Variants in KANSL1 observed in about 807,000 individuals in gnomAD.
The protein encoded by KANSL1 is KAT8 regulatory NSL complex subunit 1.
KANSL1 carries 22 observed loss-of-function variants against 103.6 expected under a neutral mutation model. That is an observed-to-expected ratio of 0.21 (90% confidence interval 0.15 to 0.30). The LOEUF is 0.30. KANSL1 is among the 10% of genes least tolerant of loss of function. The pLI is 1.00. For synonymous variants in KANSL1, 600 were observed against 527.6 expected, an observed-to-expected ratio of 1.14 and a Z score of -1.88; for missense variants, 1,337 against 1,399.8, an observed-to-expected ratio of 0.96 and a Z score of 0.72.
intron 2 of KANSL1, among the ~76,000 whole-genome samples, chr17:46,132,877 A>T (rs2043935507): frequency 7.7e-6 from 1 of 130,112 alleles, no homozygotes; most frequent in Non-Finnish European, 1.9e-5. Context: ...TGGGAGGTCG[A>T]GGCTGCAGTG....
In KANSL1 at chr17:46,171,388, T is replaced by C. The variant is rs749296043; in HGVS notation, c.756A>G (p.Thr252=). Residue 252 remains threonine (T), a synonymous_variant, in exon 2 of 15, where the codon ACA becomes ACG. Coordinates refer to ENST00000432791, the MANE Select transcript of KANSL1 (RefSeq NM_015443.4). ...CACCCCCCAAGTTAGAGCTGGAGTC[T>C]GTACCAGGTGATAATCTACTGCTTC... ...LQGSSRLSPG[T]DSSSNLGGVK... The C allele has an allele frequency of 1.9e-6, 3 of 1,614,058 alleles. No homozygotes were observed. The highest frequency in any genetic ancestry group is 4.5e-5 in the East Asian group (2 of 44,892).
intron 2 of KANSL1, 109 bp downstream of exon 2, chr17:46,170,746 C>T (rs1406843839): frequency 3.2e-6 from 4 of 1,250,022 alleles, no homozygotes; most frequent in African/African-American, 3.2e-5. Flanking sequence ...ACAAACAGAA[C>T]CTAGACACCT....
upstream of KANSL1, among the ~76,000 whole-genome samples, chr17:46,198,830 A>T (rs2047701863): frequency 6.6e-6 from 1 of 152,274 alleles, no homozygotes; most frequent in Non-Finnish European, 1.5e-5. Flanking sequence ...CTAAAAACAT[A>T]TTCTGAGAAT....
chr17:46,067,549 G>A lies in KANSL1; in HGVS notation c.1652C>T (p.Thr551Ile), dbSNP rs778178483. ...ALRPVNGVIN[T>I]LQPVLADHIP... Reference sequence around the variant, plus strand: ...AGGAAGTAGAAGAGCTAAAACTTACGTGTTAATAACTCCATTGACAGGTCT... The same window carrying A: ...AGGAAGTAGAAGAGCTAAAACTTACATGTTAATAACTCCATTGACAGGTCT... Residue 551 changes from threonine (T) to isoleucine (I), a missense_variant and splice_region_variant, in exon 5 of 15, where the codon ACT becomes ATT. Coordinates refer to ENST00000432791, the MANE Select transcript of KANSL1 (RefSeq NM_015443.4). 7.6e-5 allele frequency: 117 copies of A among 1,547,666 alleles called. No individual in the cohort carries two copies. The Admixed American group carries it at 1.2e-3, about 16-fold the overall frequency.
At chr17:46,110,163 A>T (rs1270369547) in intron 2 of KANSL1, among the ~76,000 whole-genome samples, 1 of 152,250 alleles carries the variant, frequency 6.6e-6, no homozygotes, top group Non-Finnish European at 1.5e-5. Context: ...AAAATCTTTT[A>T]TGTGTTTGAA....
At chr17:46,184,355 A>T (rs2046922846) in intron 1 of KANSL1, among the ~76,000 whole-genome samples, 1 of 152,206 alleles carries the variant, frequency 6.6e-6, no homozygotes, top group African/African-American at 2.4e-5. Context: ...GTACTATAGT[A>T]ATTCAGGCAG....
At chr17:46,180,957 C>CT in intron 1 of KANSL1, among the ~76,000 whole-genome samples, 1 of 152,138 alleles carries the variant, frequency 6.6e-6, no homozygotes, top group South Asian at 2.1e-4. Context: ...TCAGACTGTG[C>CT]TTTAGAGAGA....
intron 2 of KANSL1, among the ~76,000 whole-genome samples, chr17:46,169,925 G>A (rs984578834): frequency 3.9e-5 from 6 of 152,188 alleles, no homozygotes; most frequent in African/African-American, 1.4e-4. Context: ...GAGGTCAGGA[G>A]TTTGAGGCCA....
chr17:46,183,577 G>C (rs1442810904), intron 1 of KANSL1, among the ~76,000 whole-genome samples: 2 of 150,858 alleles, frequency 1.3e-5, no homozygotes, highest in African/African-American at 4.9e-5. Context: ...AGAGAGGAGA[G>C]AGGAGAGAGG....
At chr17:46,128,214 T>C (rs1324148812) in intron 2 of KANSL1, among the ~76,000 whole-genome samples, 1 of 152,202 alleles carries the variant, frequency 6.6e-6, no homozygotes, top group East Asian at 1.9e-4. Flanking sequence ...AAGCCTCTGC[T>C]TTCTCTGTGG....
intron 4 of KANSL1, among the ~76,000 whole-genome samples, chr17:46,077,648 C>A (rs1025091969): frequency 5.3e-5 from 8 of 152,132 alleles, no homozygotes; most frequent in African/African-American, 1.9e-4. Flanking sequence ...ACCTCTGTCT[C>A]CTGAGTTCAA....
intron 1 of KANSL1, among the ~76,000 whole-genome samples, chr17:46,201,469 C>A (rs1040074140): frequency 5.3e-5 from 8 of 152,210 alleles, no homozygotes; most frequent in African/African-American, 1.7e-4. Context: ...TTTTTGAGTG[C>A]CAACATGACA....
chr17:46,100,370 A>G (rs138708049), intron 2 of KANSL1, among the ~76,000 whole-genome samples: 1 of 150,348 alleles, frequency 6.7e-6, no homozygotes, highest in African/African-American at 2.4e-5. Context: ...CCAGGAGGTG[A>G]CGGAGGCTGC....
At chr17:46,177,797 A>T (rs2046594755) in intron 1 of KANSL1, among the ~76,000 whole-genome samples, 1 of 151,402 alleles carries the variant, frequency 6.6e-6, no homozygotes, top group Non-Finnish European at 1.5e-5. Flanking sequence ...TTTTTTTAAG[A>T]GATGGAGTCT....
chr17:46,135,267 T>A (rs201791431), intron 2 of KANSL1, among the ~76,000 whole-genome samples: 2 of 147,914 alleles, frequency 1.4e-5, no homozygotes, highest in African/African-American at 2.5e-5. Flanking sequence ...GTGGTCTAGA[T>A]AAAAAAAAAA....
intron 2 of KANSL1, among the ~76,000 whole-genome samples, chr17:46,118,680 C>G (rs1410357907): frequency 1.3e-5 from 2 of 152,196 alleles, no homozygotes; most frequent in Non-Finnish European, 2.9e-5. Flanking sequence ...AGAGGCCTAG[C>G]ATCCTTTGAA....
intron 1 of KANSL1, among the ~76,000 whole-genome samples, chr17:46,208,340 A>C (rs1238464776): frequency 6.6e-6 from 1 of 152,168 alleles, no homozygotes; most frequent in Non-Finnish European, 1.5e-5. Context: ...GGCTGGGCAC[A>C]GTGGCACATG....
intron 2 of KANSL1, among the ~76,000 whole-genome samples, chr17:46,122,092 T>C (rs2043306069): frequency 6.6e-6 from 1 of 152,226 alleles, no homozygotes; most frequent in Non-Finnish European, 1.5e-5. Context: ...TATAGTAAGT[T>C]GGGGACCATC....
intron 2 of KANSL1, among the ~76,000 whole-genome samples, chr17:46,133,434 G>A (rs1280607302): frequency 6.6e-6 from 1 of 152,006 alleles, no homozygotes; most frequent in Admixed American, 6.6e-5. Context: ...AACTAGAAAG[G>A]AAAAAATGAC....
Sources: gnomAD v4.1 joint callset for allele counts (sites outside exome capture counted in the v4.1 genomes callset) on GRCh38, gnomAD v4.1.1 for gene constraint, MANE v1.5 for transcripts, NCBI Gene and HGNC (gene_info 2026-07-23, HGNC 2026-07-21) for gene names.